Variants in RSPH10B observed in about 807,000 individuals in gnomAD.
RSPH10B encodes the protein radial spoke head 10 homolog B, also known as radial spoke head 10 homolog B (Chlamydomonas).
RSPH10B carries 7 observed loss-of-function variants against 52.5 expected under a neutral mutation model. That is an observed-to-expected ratio of 0.13 (90% CI 0.08 to 0.25). The LOEUF (loss-of-function observed/expected upper bound fraction) is 0.25. Ranked by LOEUF, RSPH10B falls within the 10% of genes least tolerant of loss-of-function variation. The pLI, the probability that RSPH10B is intolerant of heterozygous loss-of-function variation, is 1.00. For missense variants in RSPH10B, 89 were observed against 542.5 expected, an observed-to-expected ratio of 0.16 and a Z score of 8.30; for synonymous variants, 28 against 193.2, an observed-to-expected ratio of 0.14 and a Z score of 7.09.
intron 14 of RSPH10B, 147 bp from the exon 17 acceptor site, chr7:5,938,048 CACACACACAT>C (rs1322947742): frequency 1.3e-6 from 1 of 746,828 alleles, no homozygotes; most frequent in African/African-American, 1.8e-5. Context: ...TGCACAAAGA[CACACACACAT>C]GCACACACAC....
upstream of RSPH10B, among the ~76,000 whole-genome samples, chr7:5,968,798 G>GT (rs1781202418): frequency 3.4e-5 from 2 of 58,938 alleles, no homozygotes; most frequent in African/African-American, 8.7e-5. Context: ...TGAGTCACCG[G>GT]GTGTGGGTGC....
chr7:5,927,045 G>GTGTGTGTGTCTGTGTGTA (rs71762251), intron 18 of RSPH10B, among the ~76,000 whole-genome samples: 1 of 122,960 alleles, frequency 8.1e-6, no homozygotes, highest in African/African-American at 2.9e-5. Context: ...GTGTGTGTGT[G>GTGTGTGTGTCTGTGTGTA]TATTATGTGT....
At chr7:5,954,172 G>T in intron 7 of RSPH10B, among the ~76,000 whole-genome samples, 1 of 112,106 alleles carries the variant, frequency 8.9e-6, no homozygotes, top group African/African-American at 3.3e-5. Context: ...GTGGAGCCTC[G>T]CTGTCACTCA....
At chr7:5,928,370 T>A (rs374025459) in exon 18 of RSPH10B, 10 of 1,613,156 alleles carry the variant, frequency 6.2e-6, no homozygotes, top group Admixed American at 3.3e-5. Context: ...TTCCTCTCGA[T>A]CATCCTTGGG....
intron 18 of RSPH10B, among the ~76,000 whole-genome samples, chr7:5,926,964 A>T (rs1779461447): frequency 6.6e-6 from 1 of 150,966 alleles, no homozygotes; most frequent in African/African-American, 2.4e-5. Flanking sequence ...CAGGTTGGCC[A>T]GGCTGGTCTC....
chr7:5,941,955 C>T (rs147579214), intron 13 of RSPH10B, among the ~76,000 whole-genome samples: 30,892 of 136,224 alleles, frequency 0.23, 2,694 homozygotes, highest in Non-Finnish European at 0.29. Context: ...TGCAGTGGCA[C>T]AATTCCAGCT....
At chr7:5,941,570 CT>C (rs1780187935) in intron 13 of RSPH10B, among the ~76,000 whole-genome samples, 1 of 149,574 alleles carries the variant, frequency 6.7e-6, no homozygotes, top group Non-Finnish European at 1.5e-5. Context: ...TAGTGAAACC[CT>C]GTCTCTACTA....
chr7:5,961,457 AG>A (rs1780943220), intron 3 of RSPH10B, among the ~76,000 whole-genome samples: 1 of 123,194 alleles, frequency 8.1e-6, no homozygotes, highest in African/African-American at 3.0e-5. Flanking sequence ...CTCCTGCCTC[AG>A]CCTCCCAAGT....
chr7:5,928,090 T>G, intron 18 of RSPH10B, 106 bp downstream of exon 20: 1 of 1,498,132 alleles, frequency 6.7e-7, no homozygotes, highest in South Asian at 1.1e-5. Context: ...CCATAGGAAA[T>G]TACGGCTTGT....
exon 1 of RSPH10B, chr7:5,966,959 T>C: frequency 2.9e-6 from 4 of 1,360,658 alleles, no homozygotes; most frequent in Non-Finnish European, 4.1e-6. Context: ...TTTCACTTCG[T>C]TGAGCTGCAT....
chr7:5,944,227 T>A (rs1180716424), intron 11 of RSPH10B, among the ~76,000 whole-genome samples: 1 of 150,982 alleles, frequency 6.6e-6, no homozygotes, highest in Non-Finnish European at 1.5e-5. Context: ...TGGAACCCCA[T>A]CTCCACTAAA....
At chr7:5,928,740 T>C in intron 17 of RSPH10B, among the ~76,000 whole-genome samples, 1 of 150,400 alleles carries the variant, frequency 6.6e-6, no homozygotes, top group Admixed American at 6.6e-5. Flanking sequence ...CAAGCGATTC[T>C]CATGCCTCAG....
chr7:5,938,295 C>T (rs1365949574), intron 14 of RSPH10B, among the ~76,000 whole-genome samples: 3 of 103,418 alleles, frequency 2.9e-5, no homozygotes, highest in Admixed American at 1.0e-4. Context: ...AGGCTGGGCG[C>T]GGTGGCTCAT....
intron 13 of RSPH10B, among the ~76,000 whole-genome samples, chr7:5,942,803 A>C (rs1220507201): frequency 6.6e-6 from 1 of 150,636 alleles, no homozygotes; most frequent in Non-Finnish European, 1.5e-5. Context: ...TGGAGGTTGC[A>C]GTGAGCCAAG....
rs375343592 is a variant in RSPH10B, at chr7:5,965,814, GAAAA to G, written c.255-106_255-103del. On this transcript the variant is annotated intron_variant, in intron 1 of 18. Coordinates refer to ENST00000337579, the Ensembl canonical transcript of RSPH10B. ...CTATGTAATGGGAAGAATGAAGTCA[GAAAA>G]AAAAAAATATATATATATATATATA... The G allele has an allele frequency of 1.5e-3, 294 of 199,488 alleles. 7 individuals are homozygous for G. Among genetic ancestry groups the G allele is most frequent in the Middle Eastern group, 6.8e-3 (3 of 438 alleles). 12.4% of individuals were successfully genotyped at this position (199,488 alleles called of 1,614,324 possible).
intron 17 of RSPH10B, among the ~76,000 whole-genome samples, chr7:5,932,090 G>A (rs900808039): frequency 8.8e-5 from 12 of 137,014 alleles, no homozygotes; most frequent in African/African-American, 1.9e-4. Context: ...GAGTAACAGC[G>A]GGAAATTCCC....
chr7:5,954,198 G>T (rs1175211201), intron 7 of RSPH10B, among the ~76,000 whole-genome samples: 2 of 107,084 alleles, frequency 1.9e-5, no homozygotes, highest in African/African-American at 7.0e-5. Flanking sequence ...GAGTGCAGTA[G>T]CACAGTCTTA....
intron 17 of RSPH10B, among the ~76,000 whole-genome samples, chr7:5,929,006 C>T (rs1173884218): frequency 6.8e-6 from 1 of 146,216 alleles, no homozygotes; most frequent in Non-Finnish European, 1.5e-5. Flanking sequence ...AAACTCGTTT[C>T]TCTTGCTTTT....
In RSPH10B at chr7:5,927,961, G is replaced by C. The variant is rs1178390613; in HGVS notation, c.2432+235C>G. 7.3e-6 allele frequency: 6 copies of C among 823,312 alleles called. No homozygotes were observed. In the East Asian group the frequency reaches 1.3e-4, roughly 18 times the overall value. 51.0% of individuals were successfully genotyped at this position (823,312 alleles called of 1,614,324 possible). ...AACAAAAAATAAAACTAGAAACTAA[G>C]ACCAAATATTAGAACAAAAGATGCT... On this transcript the variant is annotated intron_variant, in intron 18 of 18. Transcript: ENST00000337579.
Sources: gnomAD v4.1 joint callset for allele counts (sites outside exome capture counted in the v4.1 genomes callset) on GRCh38, gnomAD v4.1.1 for gene constraint, MANE v1.5 for transcripts, NCBI Gene and HGNC (gene_info 2026-07-23, HGNC 2026-07-21) for gene names.